TRRAP: variants seen among roughly 807,000 people sequenced by gnomAD.
TRRAP encodes the protein transformation/transcription domain associated protein.
A neutral mutation model predicts 438.8 loss-of-function variants in TRRAP; 41 were observed. The observed-to-expected ratio is 0.09, with a 90% confidence interval of 0.07 to 0.12. The LOEUF is 0.12. TRRAP is among the 10% of genes least tolerant of loss of function. TRRAP has a pLI of 1.00. For missense variants in TRRAP, 3,122 were observed against 5,055.1 expected (o/e 0.62, Z 11.60); for synonymous variants, 1,994 against 1,962.9 (o/e 1.02, Z -0.42).
At chr7:98,953,059 GTGTGTGTGTGTGTGTGTGTGTT>G (rs1466130129) in intron 39 of TRRAP, 86 bp from the exon 40 acceptor site, 3 of 51,136 alleles carry the variant, frequency 5.9e-5, no homozygotes, top group Admixed American at 3.8e-4. Context: ...GTGTGTGTGT[GTGTGTGTGTGTGTGTGTGTGTT>G]TTTAAGGCTT....
chr7:98,925,016 AAG>A, intron 21 of TRRAP, 94 bp from the exon 22 acceptor site: 1 of 1,475,870 alleles, frequency 6.8e-7, no homozygotes, highest in Admixed American at 2.5e-5. Flanking sequence ...AAAAAAAAAA[AAG>A]ATTCTTCTGG....
rs775914112 is a variant in TRRAP at position 98,984,223 on chromosome 7, T to C, written c.9153T>C (p.Asn3051=). 4.8e-5 allele frequency: 77 copies of C among 1,614,090 alleles called. No individual in the cohort carries two copies. The highest frequency in any genetic ancestry group is 6.7e-5 in the East Asian group (3 of 44,898). Residue 3051 remains asparagine (N), a synonymous_variant, in exon 61 of 73, where the codon AAT becomes AAC. Transcript: ENST00000456197. ...GKIARKQGLV[N]VALDILSRIH... is the part of the protein sequence containing the mutation. ...TCGCCCGGAAACAAGGACTGGTCAA[T>C]GTAGCTCTGGATATATTAAGTCGGA...
intron 11 of TRRAP, among the ~76,000 whole-genome samples, chr7:98,902,844 G>A (rs1265557955): frequency 6.6e-6 from 1 of 151,502 alleles, no homozygotes; most frequent in Admixed American, 6.6e-5. Flanking sequence ...CCCAGCAGGT[G>A]GGAGGATTGC....
At chr7:98,964,871 G>A (rs1435135622) in intron 48 of TRRAP, 96 bp downstream of exon 48, 2 of 1,401,724 alleles carry the variant, frequency 1.4e-6, no homozygotes, top group Non-Finnish European at 1.9e-6. Context: ...AAGGGAATGT[G>A]CATTCACCAA....
intron 59 of TRRAP, 108 bp from the exon 60 acceptor site, chr7:98,983,156 C>T (rs1312102356): frequency 1.1e-5 from 12 of 1,052,746 alleles, no homozygotes; most frequent in Non-Finnish European, 4.1e-6. Flanking sequence ...TTGGTAATTG[C>T]ATCATAAGAT....
Position 98,910,403 on chromosome 7 carries a change from A to T in TRRAP, c.1698A>T (p.Ser566=), listed in dbSNP as rs138877839. The T allele has an allele frequency of 1.9e-5, 30 of 1,609,444 alleles. No homozygotes were observed. The South Asian group carries it at 3.2e-4, about 17-fold the overall frequency. ...GVKTITWGIT[S]CKAPGEAQFI... ...AGACAATCACGTGGGGCATAACATC[A>T]TGCAAAGCACCTGGTGGTAATTCTG... Residue 566 remains serine, a synonymous_variant, in exon 15 of 73, where the codon TCA becomes TCT. Coordinates refer to ENST00000456197, the MANE Select transcript of TRRAP (RefSeq NM_001375524.1).
At chr7:98,896,391 GAATCATAATTCTT>G (rs1554405733) in intron 7 of TRRAP, among the ~76,000 whole-genome samples, 1 of 151,976 alleles carries the variant, frequency 6.6e-6, no homozygotes, top group East Asian at 1.9e-4. Context: ...CTTCTTCTGG[GAATCATAATTCTT>G]TCTTTTTTTT....
intron 56 of TRRAP, among the ~76,000 whole-genome samples, chr7:98,977,915 G>A (rs1363903860): frequency 6.6e-6 from 1 of 152,206 alleles, no homozygotes; most frequent in African/African-American, 2.4e-5. Flanking sequence ...TAGTGCTCCT[G>A]GAGAAGAGCT....
chr7:98,931,932 A>T (rs1011248269), intron 26 of TRRAP, among the ~76,000 whole-genome samples: 11 of 145,342 alleles, frequency 7.6e-5, no homozygotes, highest in Non-Finnish European at 1.4e-4. Flanking sequence ...TTTTATTTTC[A>T]TTTTTTTTTT....
intron 67 of TRRAP, among the ~76,000 whole-genome samples, chr7:98,995,377 G>A (rs554274650): frequency 2.6e-5 from 4 of 152,174 alleles, no homozygotes; most frequent in South Asian, 2.1e-4. Context: ...GTCTGGGTGC[G>A]CCGGTGGGAG....
chr7:98,970,070 C>T (rs199753548), intron 51 of TRRAP, 42 bp from the exon 52 acceptor site: 59 of 1,600,346 alleles, frequency 3.7e-5, no homozygotes, highest in East Asian at 1.1e-4. Flanking sequence ...CTGAATGCCA[C>T]GCGCATGCCT....
intron 61 of TRRAP, 151 bp downstream of exon 61, chr7:98,984,509 C>A: frequency 1.0e-6 from 1 of 966,518 alleles, no homozygotes; most frequent in Non-Finnish European, 1.5e-6. Context: ...ACAGTCCTTC[C>A]AAAACACAAA....
At chr7:99,008,591 C>G in intron 70 of TRRAP, 30 bp downstream of exon 70, 1 of 1,607,670 alleles carries the variant, frequency 6.2e-7, no homozygotes, top group South Asian at 1.1e-5. Context: ...GGGGGCCGAG[C>G]TGCCGCCTGC....
At chr7:99,000,275 C>T (rs1348979663) in intron 67 of TRRAP, among the ~76,000 whole-genome samples, 1 of 152,172 alleles carries the variant, frequency 6.6e-6, no homozygotes, top group Non-Finnish European at 1.5e-5. Context: ...TCCCAAAGTG[C>T]TGGGATTACA....
intron 21 of TRRAP, 141 bp downstream of exon 21, chr7:98,922,094 C>G: frequency 8.4e-7 from 1 of 1,188,532 alleles, no homozygotes; most frequent in Non-Finnish European, 1.2e-6. Flanking sequence ...CTGGTTGGCA[C>G]AGGGGCTTTC....
chr7:98,890,166 A>G (rs1455703605), intron 3 of TRRAP, among the ~76,000 whole-genome samples, 169 bp from the exon 4 acceptor site: 2 of 152,224 alleles, frequency 1.3e-5, no homozygotes, highest in Non-Finnish European at 2.9e-5. Flanking sequence ...GGATTTCAGA[A>G]ATACAATCAT....
chr7:98,990,289 G>T (rs1269536592), intron 63 of TRRAP, among the ~76,000 whole-genome samples, 166 bp from the exon 64 acceptor site: 1 of 152,220 alleles, frequency 6.6e-6, no homozygotes, highest in Non-Finnish European at 1.5e-5. Flanking sequence ...TTTATATACT[G>T]TAAGATTTAC....
chr7:98,965,828 T>C lies in TRRAP; in HGVS notation c.7109T>C (p.Ile2370Thr), dbSNP rs1439574561. ...SLIEKSPDAK[I>T]LRAVVKIVEE... The stretch of plus-strand genomic sequence containing the variant: ...ATCGAAAAATCACCAGATGCCAAAA[T>C]CCTCCGGGCTGTGGTCAAAATCGTG... The change falls in exon 49 of 73, where the codon ATC becomes ACC. Residue 2370 changes from isoleucine to threonine, a missense_variant. Transcript: ENST00000456197. The C allele has an allele frequency of 6.2e-7, 1 of 1,613,908 alleles. No homozygotes were observed. Among genetic ancestry groups the C allele is most frequent in the Non-Finnish European group, 8.5e-7 (1 of 1,179,970 alleles).
intron 51 of TRRAP, among the ~76,000 whole-genome samples, chr7:98,969,290 C>T (rs1197800679): frequency 2.0e-5 from 3 of 152,202 alleles, no homozygotes; most frequent in Non-Finnish European, 2.9e-5. Flanking sequence ...TCTCTGCATC[C>T]CCATCTCATC....
Sources: allele counts gnomAD v4.1 joint callset (sites outside exome capture counted in the v4.1 genomes callset), GRCh38; gene constraint gnomAD v4.1.1; transcripts MANE v1.5; gene names NCBI Gene and HGNC (gene_info 2026-07-23, HGNC 2026-07-21).